C5orf34: variants seen among roughly 807,000 people sequenced by gnomAD.
C5orf34 encodes uncharacterized protein C5orf34.
A neutral mutation model predicts 78.4 loss-of-function variants in C5orf34; 73 were observed. That is an observed-to-expected ratio of 0.93 (90% CI 0.77 to 1.13). C5orf34 has a LOEUF of 1.13. Ranked by LOEUF, C5orf34 falls within the 50% of genes most tolerant of loss-of-function variation. C5orf34 has a pLI of 0.00. For missense variants in C5orf34, 730 were observed against 732.7 expected (o/e 1.00, Z 0.04); for synonymous variants, 251 against 246.6 (o/e 1.02, Z -0.17).
chr5:43,502,230 G>A (rs1315529224), intron 6 of C5orf34, 142 bp downstream of exon 6: 11 of 779,016 alleles, frequency 1.4e-5, no homozygotes, highest in African/African-American at 3.6e-5. Flanking sequence ...ACCAATGCTG[G>A]CAGTAAGATT....
chr5:43,499,318 A>ATTCTATAATTCCTAGC, intron 6 of C5orf34, among the ~76,000 whole-genome samples: 1 of 152,186 alleles, frequency 6.6e-6, no homozygotes, highest in Non-Finnish European at 1.5e-5. Context: ...CTCCTTTGGA[A>ATTCTATAATTCCTAGC]TTATAGATCC....
chr5:43,512,189 T>A (rs528480643), intron 1 of C5orf34, among the ~76,000 whole-genome samples: 2 of 152,370 alleles, frequency 1.3e-5, no homozygotes, highest in East Asian at 3.9e-4. Flanking sequence ...GCACTGTGGA[T>A]GCTGCCTTGC....
chr5:43,499,341 GT>G (rs1347212280), intron 6 of C5orf34, among the ~76,000 whole-genome samples: 1 of 152,148 alleles, frequency 6.6e-6, no homozygotes, highest in East Asian at 1.9e-4. Context: ...GCTTAGCCAA[GT>G]TTTCCTTCAG....
At chr5:43,512,331 AAC>A (rs1746304135) in intron 1 of C5orf34, among the ~76,000 whole-genome samples, 1 of 152,230 alleles carries the variant, frequency 6.6e-6, no homozygotes, top group Middle Eastern at 3.2e-3. Flanking sequence ...TTCTATAGAA[AAC>A]ACTTTCACTT....
At chr5:43,507,335 A>T (rs1355203772) in intron 3 of C5orf34, among the ~76,000 whole-genome samples, 2 of 152,242 alleles carry the variant, frequency 1.3e-5, no homozygotes, top group African/African-American at 4.8e-5. Flanking sequence ...AACTATTGTC[A>T]AGAAAGCTTC....
In C5orf34 at chr5:43,514,817, G is replaced by A. The variant is rs1351820954; in HGVS notation, c.-48C>T. On this transcript the variant is annotated 5_prime_UTR_variant, in exon 1 of 13. Coordinates refer to ENST00000306862, the MANE Select transcript of C5orf34 (RefSeq NM_198566.4). ...AGTCTTCCACTCACAGCAGTTCGGAGCCGAAAAGTTGCGGAAATGAGGCCC... is the reference window on the plus strand; with the variant it reads ...AGTCTTCCACTCACAGCAGTTCGGAACCGAAAAGTTGCGGAAATGAGGCCC... The A allele has an allele frequency of 1.3e-5, 2 of 152,218 alleles. No homozygotes were observed. The highest frequency in any genetic ancestry group is 4.8e-5 in the African/African-American group (2 of 41,444). 9.4% of individuals were successfully genotyped at this position (152,218 alleles called of 1,614,324 possible). A position where few individuals can be genotyped will look rare whatever the true frequency, so the allele number is the denominator to read the frequency against.
At chr5:43,494,257 T>C (rs954773628) in intron 7 of C5orf34, among the ~76,000 whole-genome samples, 1 of 152,190 alleles carries the variant, frequency 6.6e-6, no homozygotes, top group Non-Finnish European at 1.5e-5. Context: ...GGGCACTTAC[T>C]TCCTCTCAGC....
At position 43,493,615 on chromosome 5, in the gene C5orf34, G is replaced by A; in HGVS notation, c.1245-3C>T. ...TCTTCACACAATGTTGAAGAATTCT[G>A]TGAACACAAAAAATACTACTTAAAC... On this transcript the variant is annotated splice_polypyrimidine_tract_variant and splice_region_variant and intron_variant, in intron 7 of 12. Coordinates refer to ENST00000306862, the MANE Select transcript of C5orf34 (RefSeq NM_198566.4). 6.5e-7 allele frequency: 1 copy of A among 1,550,324 alleles called. No individual in the cohort carries two copies. Among genetic ancestry groups the A allele is most frequent in the South Asian group, 1.2e-5 (1 of 83,418 alleles).
intron 5 of C5orf34, 88 bp from the exon 6 acceptor site, chr5:43,502,583 A>T: frequency 2.6e-6 from 2 of 759,386 alleles, no homozygotes; most frequent in Non-Finnish European, 4.4e-6. Flanking sequence ...AGTAACAACA[A>T]AATCTAAGCA....
chr5:43,491,467 G>GA (rs762804775), intron 10 of C5orf34, among the ~76,000 whole-genome samples: 3 of 151,708 alleles, frequency 2.0e-5, no homozygotes, highest in Admixed American at 6.6e-5. Context: ...TAAACCAAAA[G>GA]AAAAAAAATT....
intron 11 of C5orf34, 26 bp from the exon 12 acceptor site, chr5:43,487,975 A>G (rs200516391): frequency 2.2e-5 from 35 of 1,582,734 alleles, no homozygotes; most frequent in Non-Finnish European, 2.8e-5. Context: ...GAAAAAATTC[A>G]TTCAGTTGTC....
At chr5:43,487,827 T>C (rs1408698989) in intron 12 of C5orf34, 82 bp downstream of exon 12, 1 of 1,029,850 alleles carries the variant, frequency 9.7e-7, no homozygotes, top group Non-Finnish European at 1.5e-6. Flanking sequence ...AGATTAATAT[T>C]CACAAAGTAC....
At position 43,511,089 on chromosome 5, in the gene C5orf34, C is replaced by G. The variant is rs539278672; in HGVS notation, c.-36-1714G>C. ...GATGTGAGGAGCGCCTCTGCCGGGC[C>G]GCGACCCCATCTGGGAGATGAGGAG... On this transcript the variant is annotated intron_variant, in intron 1 of 12. Coordinates refer to ENST00000306862, the MANE Select transcript of C5orf34 (RefSeq NM_198566.4). 3 of 175,830 alleles carry G rather than the reference C, an allele frequency of 1.7e-5. No individual in the cohort carries two copies. In the South Asian group the frequency reaches 3.5e-4, roughly 20 times the overall value. The allele number at this position is 175,830 out of a possible 1,614,324, so 10.9% of individuals were successfully genotyped here.
At chr5:43,498,059 T>G (rs1049928589) in intron 6 of C5orf34, among the ~76,000 whole-genome samples, 1 of 152,202 alleles carries the variant, frequency 6.6e-6, no homozygotes, top group East Asian at 1.9e-4. Context: ...CAAGCACAGT[T>G]CCCTCTAATC....
chr5:43,495,269 C>A, intron 6 of C5orf34: 1 of 1,607,044 alleles, frequency 6.2e-7, no homozygotes, highest in South Asian at 1.1e-5. Context: ...GGCAGCATCA[C>A]CAGACTTCAA....
At chr5:43,514,467 T>C (rs982566810) in intron 1 of C5orf34, among the ~76,000 whole-genome samples, 1 of 152,136 alleles carries the variant, frequency 6.6e-6, no homozygotes, top group Non-Finnish European at 1.5e-5. Flanking sequence ...GGAAAAATAG[T>C]CTATCTTTGG....
At position 43,502,477 on chromosome 5, in the gene C5orf34, C is replaced by T; in HGVS notation, c.1047G>A (p.Met349Ile). 6.4e-7 allele frequency: 1 copy of T among 1,569,164 alleles called. No individual in the cohort carries two copies. The highest frequency in any genetic ancestry group is 8.7e-7 in the Non-Finnish European group (1 of 1,149,558). The change falls in exon 6 of 13, where the codon ATG becomes ATA. Residue 349 changes from methionine to isoleucine, a missense_variant. Met to Ile is a conservative substitution (Grantham distance 10). Coordinates refer to ENST00000306862, the MANE Select transcript of C5orf34 (RefSeq NM_198566.4). ...GVTYRLTHQN[M>I]NSIEIYSGDG... ...CCCCAGAATAAATCTCTATTGAGTT[C>T]ATATTTTGATGGGTAAGTCTAAGAA...
chr5:43,492,623 C>T, intron 9 of C5orf34, 97 bp downstream of exon 9: 1 of 1,086,430 alleles, frequency 9.2e-7, no homozygotes, highest in African/African-American at 1.6e-5. Flanking sequence ...TTTTATACTT[C>T]AAAAAATGAA....
rs756433531 is a variant in C5orf34 at position 43,490,718 on chromosome 5, G to A, written c.1592C>T (p.Thr531Ile). ...HPEPYERYVT[T>I]VTSWCRRLTQ... is the part of the protein sequence containing the mutation. ...CAGTCTCCTGCACCATGATGTTACT[G>A]TTGTCACATATCTAAAGTGAATACA... The change falls in exon 11 of 13, where the codon ACA becomes ATA. Residue 531 changes from threonine (T) to isoleucine (I), a missense_variant. Thr to Ile is a moderately conservative substitution (Grantham distance 89). Coordinates refer to ENST00000306862, the MANE Select transcript of C5orf34 (RefSeq NM_198566.4). The A allele has an allele frequency of 2.5e-6, 4 of 1,576,948 alleles. No homozygotes were observed. Among genetic ancestry groups the A allele is most frequent in the African/African-American group, 1.3e-5 (1 of 74,266 alleles).
Sources: gnomAD v4.1 joint callset for allele counts (sites outside exome capture counted in the v4.1 genomes callset) on GRCh38, gnomAD v4.1.1 for gene constraint, MANE v1.5 for transcripts, NCBI Gene and HGNC (gene_info 2026-07-23, HGNC 2026-07-21) for gene names.